SLC26A7: variants seen among roughly 807,000 people sequenced by gnomAD.
The protein encoded by SLC26A7 is anion exchange transporter.
Under a neutral mutation model 82.5 loss-of-function variants are expected in SLC26A7, and 59 were observed. The ratio of observed to expected loss-of-function variants is 0.72; its 90% confidence interval spans 0.58 to 0.89. The LOEUF (loss-of-function observed/expected upper bound fraction) is 0.89, where lower values mean the gene tolerates loss of function less well. SLC26A7 is among the 40% of genes least tolerant of loss of function. The pLI, the probability that SLC26A7 is intolerant of heterozygous loss-of-function variation, is 0.00. For synonymous variants in SLC26A7, 271 were observed against 274.3 expected, an observed-to-expected ratio of 0.99 and a Z score of 0.12; for missense variants, 820 against 793.0, an observed-to-expected ratio of 1.03 and a Z score of -0.41.
intron 2 of SLC26A7, among the ~76,000 whole-genome samples, chr8:91,272,499 T>A (rs1413465882): frequency 6.6e-6 from 1 of 152,164 alleles, no homozygotes; most frequent in East Asian, 1.9e-4. Context: ...GGAATGGGGA[T>A]GAAGTTGTTA....
intron 4 of SLC26A7, among the ~76,000 whole-genome samples, chr8:91,315,098 G>A (rs1812591865): frequency 6.6e-6 from 1 of 152,132 alleles, no homozygotes; most frequent in African/African-American, 2.4e-5. Context: ...TAGGAAACAA[G>A]TGGAAAACAG....
intron 13 of SLC26A7, among the ~76,000 whole-genome samples, chr8:91,366,282 TC>T (rs1045889191): frequency 3.3e-5 from 5 of 152,180 alleles, no homozygotes; most frequent in Non-Finnish European, 7.3e-5. Flanking sequence ...GGATAGGACT[TC>T]CTGGAACTCT....
rs1456784217 is a variant in SLC26A7, at chr8:91,236,557, T to TC, written c.-33-13061dup. 2.6e-4 allele frequency among the ~76,000 whole-genome samples: 16 copies of TC among 62,452 alleles called. No homozygotes were observed. The South Asian group carries it at 5.2e-3, about 20-fold the overall frequency. The allele number at this position is 62,452 out of a possible 152,430, so 41.0% of individuals were successfully genotyped here. On this transcript the variant is annotated intron_variant, in intron 2 of 5. Coordinates refer to the SLC26A7 transcript ENST00000522862. ...CATCACTGATATAAATTCAATAACT[T>TC]CTGTGCAGATAAAAAAAAAACTCAC...
chr8:91,235,007 C>T (rs1416781077), intron 2 of SLC26A7, among the ~76,000 whole-genome samples: 1 of 151,980 alleles, frequency 6.6e-6, no homozygotes, highest in East Asian at 1.9e-4. Context: ...GCAACCTCTA[C>T]CTCCTGGGCT....
chr8:91,235,033 C>T (rs1197910490), intron 2 of SLC26A7, among the ~76,000 whole-genome samples: 1 of 152,084 alleles, frequency 6.6e-6, no homozygotes, highest in Non-Finnish European at 1.5e-5. Context: ...TATCCTCCCA[C>T]CTCAGCCTCC....
At chr8:91,379,386 G>GA (rs763614600) in intron 15 of SLC26A7, among the ~76,000 whole-genome samples, 80 of 152,148 alleles carry the variant, frequency 5.3e-4, no homozygotes, top group Non-Finnish European at 1.1e-3. Flanking sequence ...ATGAACAAAT[G>GA]AAGGGTATGT....
intron 2 of SLC26A7, among the ~76,000 whole-genome samples, chr8:91,283,502 A>G (rs1198628098): frequency 6.6e-6 from 1 of 152,198 alleles, no homozygotes; most frequent in East Asian, 1.9e-4. Context: ...TGATCAAAGA[A>G]TGTAGCACAG....
intron 9 of SLC26A7, 38 bp from the exon 10 acceptor site, chr8:91,351,772 G>T (rs374612545): frequency 2.8e-6 from 4 of 1,437,036 alleles, no homozygotes; most frequent in South Asian, 2.3e-5. Flanking sequence ...AAAGTTCAAG[G>T]CTTTCTTTTT....
At chr8:91,295,380 A>G (rs1811987756) in intron 3 of SLC26A7, 151 bp from the exon 4 acceptor site, 1 of 735,132 alleles carries the variant, frequency 1.4e-6, no homozygotes. Context: ...GAGAGAGGTG[A>G]AGAGTGGAGA....
In SLC26A7 at chr8:91,338,136, A is replaced by G; in HGVS notation, c.796-14A>G. 1 of 1,583,658 alleles carries G rather than the reference A, an allele frequency of 6.3e-7. No individual in the cohort carries two copies. The highest frequency in any genetic ancestry group is 8.5e-7 in the Non-Finnish European group (1 of 1,170,066). On this transcript the variant is annotated splice_polypyrimidine_tract_variant and intron_variant, in intron 6 of 18. Coordinates refer to ENST00000276609, the MANE Select transcript of SLC26A7 (RefSeq NM_052832.4). ...ATGTATATATTTTTTCTTTTTTCAAATGGAACCACACAGATTATTGCTGCA... is the reference window on the plus strand; with the variant it reads ...ATGTATATATTTTTTCTTTTTTCAAGTGGAACCACACAGATTATTGCTGCA...
intron 2 of SLC26A7, among the ~76,000 whole-genome samples, chr8:91,287,999 A>G (rs549686448): frequency 2.1e-4 from 32 of 152,338 alleles, no homozygotes; most frequent in Admixed American, 1.8e-3. Flanking sequence ...GATGGTTTTT[A>G]AAAAGAAGAA....
At chr8:91,390,028 T>C (rs1357700221) in intron 16 of SLC26A7, among the ~76,000 whole-genome samples, 1 of 152,140 alleles carries the variant, frequency 6.6e-6, no homozygotes, top group Non-Finnish European at 1.5e-5. Context: ...CAAACCTCAT[T>C]TCCACAGATG....
chr8:91,348,435 G>T, intron 9 of SLC26A7: 10 of 748,194 alleles, frequency 1.3e-5, no homozygotes, highest in Non-Finnish European at 1.6e-5. Flanking sequence ...GGTCATCTTT[G>T]TAACTAACAT....
At chr8:91,333,351 C>T (rs1422331407) in intron 5 of SLC26A7, among the ~76,000 whole-genome samples, 1 of 152,100 alleles carries the variant, frequency 6.6e-6, no homozygotes, top group Non-Finnish European at 1.5e-5. Context: ...CAGGCAAATT[C>T]TTTGAGGTAA....
intron 2 of SLC26A7, among the ~76,000 whole-genome samples, chr8:91,231,478 G>T (rs1279394008): frequency 6.6e-6 from 1 of 152,174 alleles, no homozygotes; most frequent in Non-Finnish European, 1.5e-5. Flanking sequence ...AAAGTCAGAA[G>T]GCACACTCTT....
At position 91,343,390 on chromosome 8, in the gene SLC26A7, C is replaced by T. The variant is rs867801751; in HGVS notation, c.1064C>T (p.Ser355Leu). The change falls in exon 9 of 19, where the codon TCA becomes TTA. Residue 355 changes from serine to leucine, a missense_variant. Coordinates refer to ENST00000276609, the MANE Select transcript of SLC26A7 (RefSeq NM_052832.4). ...LAHGLSNIVS[S>L]FFFCIPSAAA... ...CATGGCCTCAGCAATATAGTTTCTT[C>T]ATTTTTCTTCTGCATACCAAGTGCT... The T allele has an allele frequency of 6.2e-7, 1 of 1,612,636 alleles. No homozygotes were observed. Among genetic ancestry groups the T allele is most frequent in the South Asian group, 1.1e-5 (1 of 90,896 alleles).
chr8:91,374,811 TAGTGCTGCC>T, intron 15 of SLC26A7, among the ~76,000 whole-genome samples: 1 of 152,238 alleles, frequency 6.6e-6, no homozygotes, highest in Middle Eastern at 3.4e-3. Context: ...GTGATCCTTC[TAGTGCTGCC>T]AGTGTGATAT....
At chr8:91,244,928 A>G (rs1323429011), upstream of SLC26A7, among the ~76,000 whole-genome samples, 5 of 152,212 alleles carry the variant, frequency 3.3e-5, no homozygotes, top group African/African-American at 2.4e-5. Flanking sequence ...AACACACTAA[A>G]GAAACTATTG....
chr8:91,338,261 A>G (rs753510561), intron 7 of SLC26A7, 29 bp downstream of exon 7: 1 of 1,525,606 alleles, frequency 6.6e-7, no homozygotes, highest in South Asian at 1.2e-5. Flanking sequence ...AAAACATATT[A>G]TTTGTTTGTT....
Sources: gnomAD v4.1 joint callset for allele counts (sites outside exome capture counted in the v4.1 genomes callset) on GRCh38, gnomAD v4.1.1 for gene constraint, MANE v1.5 for transcripts, NCBI Gene and HGNC (gene_info 2026-07-23, HGNC 2026-07-21) for gene names.